Variants in SH3BGRL2 observed in about 807,000 individuals in gnomAD.
SH3BGRL2 encodes SH3 domain binding glutamate rich protein like 2, also known as SH3 domain-binding glutamic acid-rich-like protein 2.
A neutral mutation model predicts 14.8 loss-of-function variants in SH3BGRL2; 21 were observed. That is an observed-to-expected ratio of 1.42 (90% CI 1.01 to 2.05). The LOEUF is 2.05. Among genes scored for constraint, SH3BGRL2 ranks in the 30% most tolerant of loss-of-function variants. The pLI is 0.00. For missense variants in SH3BGRL2, 147 were observed against 130.8 expected (o/e 1.12, Z -0.61); for synonymous variants, 50 against 47.8 (o/e 1.05, Z -0.19).
At chr6:79,692,952 T>G (rs1344923501) in intron 2 of SH3BGRL2, among the ~76,000 whole-genome samples, 1 of 152,204 alleles carries the variant, frequency 6.6e-6, no homozygotes, top group African/African-American at 2.4e-5. Flanking sequence ...TTGGGTAGTA[T>G]GGCCATTTTC....
At chr6:79,661,623 G>C (rs1198317910) in intron 1 of SH3BGRL2, among the ~76,000 whole-genome samples, 2 of 152,218 alleles carry the variant, frequency 1.3e-5, no homozygotes, top group African/African-American at 4.8e-5. Flanking sequence ...TTGGGGTGAA[G>C]AGTTCTGTAG....
At chr6:79,637,128 A>C (rs1294810367) in intron 1 of SH3BGRL2, among the ~76,000 whole-genome samples, 2 of 152,216 alleles carry the variant, frequency 1.3e-5, no homozygotes, top group Non-Finnish European at 2.9e-5. Flanking sequence ...ACTATAGTCT[A>C]TGTATGAGGT....
At chr6:79,574,954 T>C in the SH3BGRL2 span, 12 of 152,124 alleles carry the variant, frequency 7.9e-5, no homozygotes, top group Non-Finnish European at 1.6e-4. Flanking sequence ...GGTCACAGGG[T>C]AGTTGGACTT....
intron 2 of SH3BGRL2, among the ~76,000 whole-genome samples, chr6:79,683,698 T>C (rs537099314): frequency 9.9e-5 from 15 of 152,280 alleles, no homozygotes; most frequent in Non-Finnish European, 1.9e-4. Flanking sequence ...CTGCCCGCCT[T>C]GGCCTCCCAA....
the SH3BGRL2 span, among the ~76,000 whole-genome samples, chr6:79,587,260 G>C: frequency 9.8e-4 from 149 of 152,176 alleles, 1 homozygote; most frequent in African/African-American, 3.5e-3. Context: ...ATTCATTTGA[G>C]AATATTTAGA....
intron 1 of SH3BGRL2, among the ~76,000 whole-genome samples, chr6:79,660,450 T>TGCACATGTTGAACCA (rs1554202858): frequency 6.6e-6 from 1 of 152,132 alleles, no homozygotes; most frequent in Non-Finnish European, 1.5e-5. Flanking sequence ...TTTATTGATT[T>TGCACATGTTGAACCA]GCATATGTTG....
the SH3BGRL2 span, among the ~76,000 whole-genome samples, chr6:79,604,906 C>T: frequency 3.3e-5 from 5 of 152,208 alleles, no homozygotes; most frequent in African/African-American, 7.2e-5. Context: ...GAGAGGAATG[C>T]GAATTATTTT....
At chr6:79,643,094 A>C (rs1383598697) in intron 1 of SH3BGRL2, among the ~76,000 whole-genome samples, 1 of 152,178 alleles carries the variant, frequency 6.6e-6, no homozygotes, top group Non-Finnish European at 1.5e-5. Flanking sequence ...AATGTGGTAC[A>C]ATATTTACTT....
At chr6:79,569,559 T>C in the SH3BGRL2 span, among the ~76,000 whole-genome samples, 1 of 152,128 alleles carries the variant, frequency 6.6e-6, no homozygotes, top group African/African-American at 2.4e-5. Context: ...AAGGTCTCTG[T>C]GTTAATGTTA....
At chr6:79,676,952 A>G (rs1439114454) in intron 2 of SH3BGRL2, among the ~76,000 whole-genome samples, 2 of 152,298 alleles carry the variant, frequency 1.3e-5, no homozygotes, top group African/African-American at 2.4e-5. Context: ...TGCCAGGTCA[A>G]TGGCATCTTC....
At chr6:79,638,653 T>C (rs1293559302) in intron 1 of SH3BGRL2, among the ~76,000 whole-genome samples, 2 of 152,168 alleles carry the variant, frequency 1.3e-5, no homozygotes, top group Admixed American at 6.5e-5. Flanking sequence ...TGGGGTGAGA[T>C]GCAATTTCAT....
intron 2 of SH3BGRL2, among the ~76,000 whole-genome samples, chr6:79,682,497 T>C (rs997917232): frequency 2.6e-5 from 4 of 152,196 alleles, no homozygotes; most frequent in African/African-American, 9.7e-5. Flanking sequence ...TTAATTGTGC[T>C]TGGGCTCTGC....
the SH3BGRL2 span, among the ~76,000 whole-genome samples, chr6:79,623,220 T>G: frequency 6.6e-6 from 1 of 151,424 alleles, no homozygotes; most frequent in Admixed American, 6.6e-5. Flanking sequence ...GTGGGAAAAC[T>G]GAACCTGAGG....
intron 1 of SH3BGRL2, among the ~76,000 whole-genome samples, chr6:79,657,246 CT>C (rs148122004): frequency 0.079 from 11,987 of 151,866 alleles, 609 homozygotes; most frequent in Non-Finnish European, 0.11. Context: ...CTCTTGTCTG[CT>C]TTTAGATGGG....
chr6:79,599,596 C>T, the SH3BGRL2 span, among the ~76,000 whole-genome samples: 1 of 152,112 alleles, frequency 6.6e-6, no homozygotes, highest in Non-Finnish European at 1.5e-5. Context: ...GTCTCAAACT[C>T]CTGGCCTCAG....
intron 1 of SH3BGRL2, among the ~76,000 whole-genome samples, chr6:79,635,281 C>T (rs1036896587): frequency 2.6e-5 from 4 of 152,114 alleles, no homozygotes; most frequent in Non-Finnish European, 1.5e-5. Context: ...TTAGTGAAGC[C>T]CAACCACCTA....
At chr6:79,590,132 T>A in the SH3BGRL2 span, among the ~76,000 whole-genome samples, 1 of 151,894 alleles carries the variant, frequency 6.6e-6, no homozygotes, top group Non-Finnish European at 1.5e-5. Context: ...ATGGCGATTA[T>A]TAAAAAGTCA....
At chr6:79,646,844 T>C (rs1769153781) in intron 1 of SH3BGRL2, among the ~76,000 whole-genome samples, 1 of 152,224 alleles carries the variant, frequency 6.6e-6, no homozygotes, top group Non-Finnish European at 1.5e-5. Context: ...TTAAGGTTCA[T>C]TCATGTTGTA....
the SH3BGRL2 span, among the ~76,000 whole-genome samples, chr6:79,595,548 T>C: frequency 1.1e-4 from 17 of 152,246 alleles, no homozygotes; most frequent in East Asian, 2.7e-3. Flanking sequence ...CTGAAATCAA[T>C]TAATATAATA....
Sources: gnomAD v4.1 joint callset for allele counts (sites outside exome capture counted in the v4.1 genomes callset) on GRCh38, gnomAD v4.1.1 for gene constraint, MANE v1.5 for transcripts, NCBI Gene and HGNC (gene_info 2026-07-23, HGNC 2026-07-21) for gene names.